The following EYS variants were observed in gnomAD, a reference collection of about 807,000 sequenced individuals.
EYS encodes the protein protein eyes shut homolog.
Under a neutral mutation model 282.1 loss-of-function variants are expected in EYS, and 250 were observed. The ratio of observed to expected loss-of-function variants is 0.89; its 90% confidence interval spans 0.80 to 0.98. The LOEUF (loss-of-function observed/expected upper bound fraction) is 0.98. EYS is among the 50% of genes least tolerant of loss of function. The pLI, the probability that EYS is intolerant of heterozygous loss-of-function variation, is 0.00. For missense variants in EYS, 4,016 were observed against 3,709.0 expected, an observed-to-expected ratio of 1.08 and a Z score of -2.15; for synonymous variants, 1,355 against 1,282.9, an observed-to-expected ratio of 1.06 and a Z score of -1.20.
chr6:65,502,530 GAATT>G (rs1379143790), intron 2 of EYS, among the ~76,000 whole-genome samples: 3 of 151,490 alleles, frequency 2.0e-5, no homozygotes, highest in Non-Finnish European at 3.0e-5. Context: ...CACAATTAAT[GAATT>G]AATATTAGTA....
chr6:64,721,872 T>C (rs1330131463), intron 22 of EYS, among the ~76,000 whole-genome samples: 2 of 152,184 alleles, frequency 1.3e-5, no homozygotes, highest in South Asian at 2.1e-4. Context: ...AGGGCTTCAG[T>C]TGGAACCAGA....
intron 1 of EYS, among the ~76,000 whole-genome samples, chr6:65,672,728 A>C (rs1162291631): frequency 6.6e-6 from 1 of 152,288 alleles, no homozygotes; most frequent in Admixed American, 6.5e-5. Flanking sequence ...TACAGAAAAT[A>C]AATACATAAA....
At chr6:65,264,020 G>A (rs1417026047) in intron 12 of EYS, among the ~76,000 whole-genome samples, 7 of 152,016 alleles carry the variant, frequency 4.6e-5, no homozygotes, top group Non-Finnish European at 1.5e-5. Flanking sequence ...TGAGAAAAAA[G>A]TAGAGGAGTT....
At chr6:64,570,587 T>C (rs1185048439) in intron 26 of EYS, among the ~76,000 whole-genome samples, 1 of 151,852 alleles carries the variant, frequency 6.6e-6, no homozygotes, top group Non-Finnish European at 1.5e-5. Flanking sequence ...GATGGAGAAA[T>C]ATTTACCGAG....
chr6:64,659,194 A>C (rs1768890281), intron 22 of EYS, among the ~76,000 whole-genome samples: 1 of 152,176 alleles, frequency 6.6e-6, no homozygotes, highest in Admixed American at 6.5e-5. Context: ...CAATGAGAAC[A>C]AAGACACAAC....
At chr6:64,744,819 C>T (rs1772499357) in intron 22 of EYS, among the ~76,000 whole-genome samples, 1 of 151,822 alleles carries the variant, frequency 6.6e-6, no homozygotes, top group Non-Finnish European at 1.5e-5. Context: ...ATGCGAATTG[C>T]TAAAAAAATA....
chr6:64,284,322 T>A (rs1768416035), intron 30 of EYS, among the ~76,000 whole-genome samples: 2 of 152,268 alleles, frequency 1.3e-5, no homozygotes, highest in African/African-American at 4.8e-5. Flanking sequence ...ACAGTCAAAT[T>A]TTAAAGCTCC....
intron 29 of EYS, among the ~76,000 whole-genome samples, chr6:64,349,652 T>C (rs1771544144): frequency 6.6e-6 from 1 of 151,482 alleles, no homozygotes; most frequent in African/African-American, 2.4e-5. Flanking sequence ...AGGAATGTTA[T>C]TTAAAGTGTT....
chr6:64,939,429 G>T (rs184295344), intron 15 of EYS, among the ~76,000 whole-genome samples: 3 of 151,692 alleles, frequency 2.0e-5, no homozygotes, highest in Non-Finnish European at 2.9e-5. Context: ...GCCATGTCAG[G>T]GTTATCTAGA....
chr6:65,267,562 T>C lies in EYS; in HGVS notation c.2023+28301A>G, dbSNP rs184858719. On this transcript the variant is annotated intron_variant, in intron 12 of 42. Transcript: ENST00000503581. ...GATGAAGCACAATAACATATGTTTA[T>C]ATGTTCTTTTTAATACCTCTCTTAT... 1.6e-3 allele frequency among the ~76,000 whole-genome samples: 244 copies of C among 152,124 alleles called. 1 individual carries two copies. The highest frequency in any genetic ancestry group is 5.6e-3 in the African/African-American group (233 of 41,548).
At chr6:63,895,832 T>G (rs573045460) in intron 35 of EYS, among the ~76,000 whole-genome samples, 1 of 151,686 alleles carries the variant, frequency 6.6e-6, no homozygotes, top group Admixed American at 6.6e-5. Context: ...TTCCTCCGCT[T>G]AATACACTCT....
At chr6:65,358,115 T>C (rs1224867906) in intron 8 of EYS, among the ~76,000 whole-genome samples, 1 of 151,960 alleles carries the variant, frequency 6.6e-6, no homozygotes, top group African/African-American at 2.4e-5. Context: ...TAAAAATTAG[T>C]TAGTTTACAT....
chr6:64,162,701 A>C (rs959304896), intron 31 of EYS, among the ~76,000 whole-genome samples: 2 of 152,142 alleles, frequency 1.3e-5, no homozygotes, highest in African/African-American at 4.8e-5. Context: ...TGTTTCTCCC[A>C]GTTAATCCAA....
At chr6:64,272,013 C>A (rs1767959187) in intron 30 of EYS, among the ~76,000 whole-genome samples, 1 of 151,958 alleles carries the variant, frequency 6.6e-6, no homozygotes, top group Admixed American at 6.6e-5. Context: ...ATAATAGGCC[C>A]TCACACCTGG....
At chr6:64,414,272 G>A (rs1773996242) in intron 28 of EYS, among the ~76,000 whole-genome samples, 1 of 152,098 alleles carries the variant, frequency 6.6e-6, no homozygotes, top group South Asian at 2.1e-4. Context: ...TAGGAACACA[G>A]GATGCTAGAA....
At chr6:65,406,352 G>T (rs983030860) in intron 5 of EYS, among the ~76,000 whole-genome samples, 5 of 151,776 alleles carry the variant, frequency 3.3e-5, no homozygotes, top group African/African-American at 1.2e-4. Flanking sequence ...ACGTGATTTG[G>T]CTTTCCATTT....
intron 36 of EYS, among the ~76,000 whole-genome samples, chr6:63,824,584 G>A (rs779965381): frequency 2.6e-5 from 4 of 152,280 alleles, no homozygotes; most frequent in Admixed American, 2.0e-4. Flanking sequence ...CCCCAGCTGC[G>A]GAAGTGGGAA....
chr6:63,931,022 A>G (rs1250580470), intron 35 of EYS, among the ~76,000 whole-genome samples: 1 of 152,192 alleles, frequency 6.6e-6, no homozygotes, highest in East Asian at 1.9e-4. Flanking sequence ...TTCTTAACAG[A>G]TTATATTTGA....
At chr6:64,923,274 G>GA (rs1768410713) in intron 15 of EYS, among the ~76,000 whole-genome samples, 1 of 152,054 alleles carries the variant, frequency 6.6e-6, no homozygotes, top group African/African-American at 2.4e-5. Context: ...GAAGCAAAAG[G>GA]AAAAACCCCT....
Sources: gnomAD v4.1 joint callset for allele counts (sites outside exome capture counted in the v4.1 genomes callset) on GRCh38, gnomAD v4.1.1 for gene constraint, MANE v1.5 for transcripts, NCBI Gene and HGNC (gene_info 2026-07-23, HGNC 2026-07-21) for gene names.